The following COL22A1 variants were observed in gnomAD, a reference collection of about 807,000 sequenced individuals.
COL22A1 encodes the protein collagen type XXII alpha 1 chain, also known as collagen alpha-1(XXII) chain.
In COL22A1, 221 loss-of-function variants were observed where a neutral mutation model predicts 248.9. The observed-to-expected ratio is 0.89, with a 90% confidence interval of 0.80 to 0.99. The LOEUF (loss-of-function observed/expected upper bound fraction) is 0.99. COL22A1 is among the 50% of genes least tolerant of loss of function. The pLI, the probability that COL22A1 is intolerant of heterozygous loss-of-function variation, is 0.00. For missense variants in COL22A1, 2,240 were observed against 2,179.0 expected, an observed-to-expected ratio of 1.03 and a Z score of -0.56; for synonymous variants, 891 against 793.4, an observed-to-expected ratio of 1.12 and a Z score of -2.07.
At chr8:138,894,934 C>T (rs1825298150) in intron 1 of COL22A1, among the ~76,000 whole-genome samples, 1 of 151,934 alleles carries the variant, frequency 6.6e-6, no homozygotes, top group Admixed American at 6.6e-5. Flanking sequence ...TGGTACATGC[C>T]TGTAGTCCCA....
intron 26 of COL22A1, among the ~76,000 whole-genome samples, chr8:138,721,812 C>T (rs140477249): frequency 6.6e-6 from 1 of 152,330 alleles, no homozygotes; most frequent in Non-Finnish European, 1.5e-5. Context: ...AGCCACTGTG[C>T]CTGGCTAAAT....
intron 18 of COL22A1, 93 bp from the exon 19 acceptor site, chr8:138,755,922 G>T (rs1832963577): frequency 9.7e-7 from 1 of 1,029,546 alleles, no homozygotes; most frequent in African/African-American, 1.6e-5. Flanking sequence ...TGGGCCCAGG[G>T]GACCACACCC....
intron 4 of COL22A1, among the ~76,000 whole-genome samples, chr8:138,842,405 A>C (rs1820950915): frequency 6.6e-6 from 1 of 152,218 alleles, no homozygotes. Flanking sequence ...ACTGCTATGA[A>C]GGACTCACGG....
At chr8:138,861,915 G>A (rs571791604) in intron 3 of COL22A1, among the ~76,000 whole-genome samples, 56 of 151,480 alleles carry the variant, frequency 3.7e-4, no homozygotes, top group East Asian at 7.8e-4. Flanking sequence ...TAGGCGGGGC[G>A]CAGTGGTTCA....
In COL22A1 at chr8:138,651,635, G is replaced by A. The variant is rs144727917; in HGVS notation, c.3334-1857C>T. 6.0e-4 allele frequency among the ~76,000 whole-genome samples: 89 copies of A among 147,414 alleles called. 2 individuals carry two copies. Among genetic ancestry groups the A allele is most frequent in the Non-Finnish European group, 7.1e-4 (47 of 66,252 alleles). ...GTACTTTGCTTGAAAGAGTAGCAGA[G>A]CTGAAAGGAGCTCGCCTCTTTGTAG... On this transcript the variant is annotated intron_variant, in intron 45 of 64. Coordinates refer to ENST00000303045, the MANE Select transcript of COL22A1 (RefSeq NM_152888.3).
intron 30 of COL22A1, among the ~76,000 whole-genome samples, chr8:138,712,081 G>C (rs1222751676): frequency 1.3e-5 from 2 of 152,208 alleles, no homozygotes; most frequent in Non-Finnish European, 2.9e-5. Context: ...ACGGTGCTCA[G>C]GACAGTCCTG....
chr8:138,708,093 C>G (rs1300378443), intron 30 of COL22A1, among the ~76,000 whole-genome samples: 9 of 152,120 alleles, frequency 5.9e-5, no homozygotes, highest in Non-Finnish European at 4.4e-5. Flanking sequence ...CATGAAGGAC[C>G]TCTTCAAGGA....
At chr8:138,720,682 C>T (rs1829804021) in intron 27 of COL22A1, 57 bp downstream of exon 27, 1 of 1,402,128 alleles carries the variant, frequency 7.1e-7, no homozygotes, top group Admixed American at 1.7e-5. Flanking sequence ...CACACACCAC[C>T]CCAAATAGAC....
chr8:138,694,243 G>T (rs988236469), intron 34 of COL22A1, among the ~76,000 whole-genome samples: 1 of 152,192 alleles, frequency 6.6e-6, no homozygotes, highest in East Asian at 1.9e-4. Flanking sequence ...GGGAGAGCAC[G>T]GCAGAAACCT....
At chr8:138,727,252 CCCCCT>C (rs1206307991) in intron 23 of COL22A1, among the ~76,000 whole-genome samples, 4 of 152,054 alleles carry the variant, frequency 2.6e-5, no homozygotes, top group Non-Finnish European at 5.9e-5. Context: ...TCTCTGGATA[CCCCCT>C]CCCCTCCCCT....
At position 138,594,032 on chromosome 8, in the gene COL22A1, G is replaced by A. The variant is rs1231007486; in HGVS notation, c.4600C>T (p.Pro1534Ser). Reference protein sequence around the residue: ...GQGGLEGPSGPIGPKGERGAK... With the variant: ...GQGGLEGPSGSIGPKGERGAK... ...CTTCACTCACCTTTGGGACCTATGG[G>A]TCCAGAGGGTCCTTCCAGACCCCCC... The change falls in exon 63 of 65, where the codon CCC becomes TCC. Residue 1534 changes from proline to serine, a missense_variant. Pro to Ser is a moderately conservative substitution (Grantham distance 74). Coordinates refer to ENST00000303045, the MANE Select transcript of COL22A1 (RefSeq NM_152888.3). 6.3e-7 allele frequency: 1 copy of A among 1,582,302 alleles called. No individual in the cohort carries two copies. Among genetic ancestry groups the A allele is most frequent in the East Asian group, 2.3e-5 (1 of 42,790 alleles).
intron 63 of COL22A1, among the ~76,000 whole-genome samples, chr8:138,593,084 G>A (rs1817222934): frequency 6.6e-6 from 1 of 152,092 alleles, no homozygotes; most frequent in Admixed American, 6.6e-5. Context: ...GGATGAAGAT[G>A]GAAGCCATGA....
At chr8:138,910,956 C>T (rs904839376) in intron 1 of COL22A1, among the ~76,000 whole-genome samples, 4 of 152,132 alleles carry the variant, frequency 2.6e-5, no homozygotes, top group East Asian at 1.9e-4. Flanking sequence ...TAAGCACCTT[C>T]GAAGGAAGAG....
chr8:138,663,822 AGGT>A, intron 41 of COL22A1, 82 bp from the exon 42 acceptor site: 1 of 1,109,104 alleles, frequency 9.0e-7, no homozygotes, highest in Non-Finnish European at 1.4e-6. Context: ...TTCCATAGAC[AGGT>A]CCTCAGTTGT....
chr8:138,811,242 C>T (rs1008681194), intron 9 of COL22A1, among the ~76,000 whole-genome samples: 3 of 150,524 alleles, frequency 2.0e-5, no homozygotes, highest in Non-Finnish European at 4.4e-5. Context: ...AAAATAGAAA[C>T]ACATAGACAA....
Position 138,716,845 on chromosome 8 carries a change from C to T in COL22A1, c.2380G>A (p.Ala794Thr), listed in dbSNP as rs1327321284. 6.2e-7 allele frequency: 1 copy of T among 1,611,940 alleles called. No homozygotes were observed. ...CAGACCTTCTCTCCAGGTCGGCCTG[C>T]CAGGCCCTGCTCCCCAATTTCTCCC... ...LRGEIGEQGLAGRPGEKGEAG... is the reference protein window; with the variant it reads ...LRGEIGEQGLTGRPGEKGEAG... The change falls in exon 28 of 65, where the codon GCA becomes ACA. Residue 794 changes from alanine (A) to threonine (T), a missense_variant. Physicochemically the swap from Ala to Thr is moderately conservative, Grantham distance 58. Transcript: ENST00000303045.
chr8:138,771,112 T>A (rs1834330287), intron 16 of COL22A1, among the ~76,000 whole-genome samples: 1 of 152,188 alleles, frequency 6.6e-6, no homozygotes, highest in South Asian at 2.1e-4. Context: ...AGGATCACAG[T>A]GCAGGGCTGC....
chr8:138,761,825 G>A (rs1428424732), intron 17 of COL22A1, among the ~76,000 whole-genome samples: 1 of 152,154 alleles, frequency 6.6e-6, no homozygotes. Flanking sequence ...CCTTCTGGGG[G>A]CAACCAAGCA....
chr8:138,853,508 T>C (rs748703896), intron 3 of COL22A1, among the ~76,000 whole-genome samples: 26 of 152,178 alleles, frequency 1.7e-4, no homozygotes, highest in Non-Finnish European at 1.3e-4. Context: ...TCTTTAATGA[T>C]TTACAAATTA....
Sources: allele counts gnomAD v4.1 joint callset (sites outside exome capture counted in the v4.1 genomes callset), GRCh38; gene constraint gnomAD v4.1.1; transcripts MANE v1.5; gene names NCBI Gene and HGNC (gene_info 2026-07-23, HGNC 2026-07-21).